The following ATL2 variants were observed in gnomAD, a reference collection of about 807,000 sequenced individuals.
The protein encoded by ATL2 is atlastin GTPase 2.
In ATL2, 31 loss-of-function variants were observed where a neutral mutation model predicts 73.9. The observed-to-expected ratio is 0.42, with a 90% CI of 0.32 to 0.57. The LOEUF (loss-of-function observed/expected upper bound fraction) is 0.57, where lower values mean the gene tolerates loss of function less well. ATL2 is among the 20% of genes least tolerant of loss of function. The pLI, the probability that ATL2 is intolerant of heterozygous loss-of-function variation, is 0.14. For missense variants in ATL2, 738 were observed against 702.6 expected (o/e 1.05, Z -0.57); for synonymous variants, 291 against 237.5 (o/e 1.23, Z -2.07).
chr2:38,350,769 A>T (rs1007126962), intron 1 of ATL2, among the ~76,000 whole-genome samples: 1 of 152,142 alleles, frequency 6.6e-6, no homozygotes, highest in African/African-American at 2.4e-5. Context: ...CTCTAAAAAA[A>T]AAAACCAAAA....
rs373268695 is a variant in ATL2, at chr2:38,306,693, T to A, written c.1071+2686A>T. ...GATGCTGAAAAAGCACTGGATAAAA[T>A]TCAACATCCCTTCATGGTAAAAATC... On this transcript the variant is annotated intron_variant, in intron 9 of 12. Coordinates refer to ENST00000378954, the MANE Select transcript of ATL2 (RefSeq NM_001135673.4). Among the ~76,000 whole-genome samples, 6 of 152,244 alleles carry A rather than the reference T, an allele frequency of 3.9e-5. No individual in the cohort carries two copies. The South Asian group carries it at 6.2e-4, about 16-fold the overall frequency.
intron 4 of ATL2, among the ~76,000 whole-genome samples, chr2:38,315,567 T>A (rs1667987585): frequency 6.6e-6 from 1 of 152,120 alleles, no homozygotes; most frequent in Non-Finnish European, 1.5e-5. Flanking sequence ...AAAGCATGAA[T>A]ATATGTATAC....
chr2:38,322,065 T>A (rs909291155), intron 2 of ATL2, among the ~76,000 whole-genome samples: 1 of 152,170 alleles, frequency 6.6e-6, no homozygotes, highest in African/African-American at 2.4e-5. Flanking sequence ...GGTTTTGCAG[T>A]TTTTTTGTGA....
chr2:38,363,025 A>G (rs1671099321), intron 1 of ATL2, among the ~76,000 whole-genome samples: 1 of 152,244 alleles, frequency 6.6e-6, no homozygotes, highest in Non-Finnish European at 1.5e-5. Context: ...TTACTACAGA[A>G]GAGTGAAAAA....
chr2:38,304,466 T>C (rs1558388547), intron 9 of ATL2, among the ~76,000 whole-genome samples: 1 of 152,200 alleles, frequency 6.6e-6, no homozygotes, highest in African/African-American at 2.4e-5. Context: ...CAAAACTCAC[T>C]GGGAATAGTA....
chr2:38,366,093 A>T (rs1046724713), intron 1 of ATL2, among the ~76,000 whole-genome samples: 1 of 149,738 alleles, frequency 6.7e-6, no homozygotes, highest in African/African-American at 2.5e-5. Flanking sequence ...AATGTGACTA[A>T]TTTGAAAAAA....
At position 38,377,269 on chromosome 2, in the gene ATL2, G is replaced by A. The variant is rs763885625; in HGVS notation, c.-9C>T. On this transcript the variant is annotated 5_prime_UTR_variant, in exon 1 of 13. Transcript: ENST00000378954. ...TCGTCCCCCTCCGCCATCTTGTACCGATTTAAAATTAACTCCCCACTGACG... is the reference window on the plus strand; with the variant it reads ...TCGTCCCCCTCCGCCATCTTGTACCAATTTAAAATTAACTCCCCACTGACG... The A allele has an allele frequency of 5.1e-6, 8 of 1,558,532 alleles. No homozygotes were observed. The East Asian group carries it at 9.5e-5, about 19-fold the overall frequency.
chr2:38,373,740 T>C (rs1447010360), intron 1 of ATL2, among the ~76,000 whole-genome samples: 4 of 152,252 alleles, frequency 2.6e-5, no homozygotes, highest in African/African-American at 9.6e-5. Flanking sequence ...AAAGTTATTT[T>C]GGCTTTGCAC....
At chr2:38,308,596 G>C (rs1490399723) in intron 9 of ATL2, among the ~76,000 whole-genome samples, 2 of 151,990 alleles carry the variant, frequency 1.3e-5, no homozygotes, top group South Asian at 2.1e-4. Flanking sequence ...AAATAACAAA[G>C]AGTATAATTG....
chr2:38,354,934 T>G (rs1433890000), intron 1 of ATL2, among the ~76,000 whole-genome samples: 2 of 151,442 alleles, frequency 1.3e-5, no homozygotes, highest in Admixed American at 1.3e-4. Context: ...CAAAATAAAA[T>G]AGTAAAAAAT....
At chr2:38,297,635 T>A (rs763612278) in intron 12 of ATL2, among the ~76,000 whole-genome samples, 3 of 152,230 alleles carry the variant, frequency 2.0e-5, no homozygotes, top group Non-Finnish European at 4.4e-5. Flanking sequence ...CAAAGTTTCC[T>A]TGGTAAGAAA....
intron 2 of ATL2, among the ~76,000 whole-genome samples, chr2:38,339,210 G>A (rs988492135): frequency 4.0e-5 from 6 of 151,662 alleles, no homozygotes; most frequent in East Asian, 1.9e-4. Context: ...GGGAAACTAC[G>A]TCTCAAAAAA....
At chr2:38,325,153 G>C (rs992964919) in intron 2 of ATL2, among the ~76,000 whole-genome samples, 1 of 152,182 alleles carries the variant, frequency 6.6e-6, no homozygotes. Context: ...GTCTTCCATT[G>C]GACTTCCAGT....
intron 2 of ATL2, among the ~76,000 whole-genome samples, chr2:38,329,423 C>CAAAAAAAA (rs70954711): frequency 5.9e-4 from 8 of 13,668 alleles, no homozygotes; most frequent in East Asian, 2.2e-3. Context: ...ACTCCATCTC[C>CAAAAAAAA]AAAAAAAAAA....
chr2:38,302,497 G>A (rs1475054612), intron 9 of ATL2, among the ~76,000 whole-genome samples: 1 of 152,116 alleles, frequency 6.6e-6, no homozygotes, highest in Non-Finnish European at 1.5e-5. Flanking sequence ...GTCACAATGG[G>A]CCTTGGGCAA....
At chr2:38,303,494 A>G (rs914511284) in intron 9 of ATL2, among the ~76,000 whole-genome samples, 2 of 152,212 alleles carry the variant, frequency 1.3e-5, no homozygotes, top group African/African-American at 2.4e-5. Flanking sequence ...ACCCAGCCTC[A>G]GAGCTTAACA....
At chr2:38,299,450 G>T in intron 10 of ATL2, 123 bp from the exon 11 acceptor site, 1 of 1,022,410 alleles carries the variant, frequency 9.8e-7, no homozygotes, top group South Asian at 2.5e-5. Context: ...GTAACTTCCA[G>T]TTTTTCTTTC....
intron 1 of ATL2, among the ~76,000 whole-genome samples, chr2:38,356,134 T>TA (rs1670653743): frequency 6.6e-6 from 1 of 152,012 alleles, no homozygotes; most frequent in Non-Finnish European, 1.5e-5. Context: ...TAAGTCACAT[T>TA]TAAAAAAAAT....
chr2:38,336,539 A>G (rs542178785), intron 2 of ATL2, among the ~76,000 whole-genome samples: 1 of 152,350 alleles, frequency 6.6e-6, no homozygotes, highest in South Asian at 2.1e-4. Flanking sequence ...GAAGTAAACC[A>G]AAGTAAATAT....
Sources: allele counts gnomAD v4.1 joint callset (sites outside exome capture counted in the v4.1 genomes callset), GRCh38; gene constraint gnomAD v4.1.1; transcripts MANE v1.5; gene names NCBI Gene and HGNC (gene_info 2026-07-23, HGNC 2026-07-21).